Variants in PITPNC1 observed in about 807,000 individuals in gnomAD.
PITPNC1 encodes cytoplasmic phosphatidylinositol transfer protein 1.
PITPNC1 carries 18 observed loss-of-function variants against 44.7 expected under a neutral mutation model. That is an observed-to-expected ratio of 0.40 (90% CI 0.28 to 0.60). PITPNC1 has a LOEUF of 0.60. Ranked by LOEUF, PITPNC1 falls within the 20% of genes least tolerant of loss-of-function variation. The probability of loss-of-function intolerance (pLI) is 0.39; values close to 1 mark genes in which losing one functional copy is unlikely to be tolerated. For synonymous variants in PITPNC1, 141 were observed against 149.6 expected (o/e 0.94, Z 0.42); for missense variants, 290 against 418.4 (o/e 0.69, Z 2.68).
chr17:67,407,502 A>C lies in PITPNC1; in HGVS notation c.48+29300A>C, dbSNP rs551417165. Among the ~76,000 whole-genome samples, 10 of 152,262 alleles carry C rather than the reference A, an allele frequency of 6.6e-5. No individual in the cohort carries two copies. The South Asian group carries it at 1.7e-3, about 25-fold the overall frequency. On this transcript the variant is annotated intron_variant, in intron 1 of 8. Coordinates refer to ENST00000581322, the MANE Select transcript of PITPNC1 (RefSeq NM_012417.4). ...TGACCTTTAAAACACAAAAGTTTTA[A>C]ATTTAAAAATCTAAAATAAGGCCGA...
chr17:67,677,610 C>T lies in PITPNC1; in HGVS notation c.682+2068C>T, dbSNP rs369162884. ...TGAGACAGAGTCTCGCACTGTCGTA[C>T]GGACTGGAGTGCAATGGCACAATCT... On this transcript the variant is annotated intron_variant, in intron 8 of 8. Coordinates refer to ENST00000581322, the MANE Select transcript of PITPNC1 (RefSeq NM_012417.4). 1.2e-4 allele frequency among the ~76,000 whole-genome samples: 18 copies of T among 151,058 alleles called. No homozygotes were observed. In the East Asian group the frequency reaches 1.8e-3, roughly 15 times the overall value.
intron 1 of PITPNC1, among the ~76,000 whole-genome samples, chr17:67,487,862 A>G (rs2039803089): frequency 6.6e-6 from 1 of 152,224 alleles, no homozygotes. Flanking sequence ...AATTTCTCCC[A>G]GGAGATGTCT....
At chr17:67,418,218 T>C (rs1218797162) in intron 1 of PITPNC1, among the ~76,000 whole-genome samples, 1 of 152,226 alleles carries the variant, frequency 6.6e-6, no homozygotes, top group Non-Finnish European at 1.5e-5. Context: ...CTTGAGACTA[T>C]ATAAAGCTCC....
chr17:67,662,256 A>C (rs900474246), intron 6 of PITPNC1, among the ~76,000 whole-genome samples: 9 of 151,772 alleles, frequency 5.9e-5, no homozygotes, highest in Admixed American at 1.3e-4. Context: ...GAGTTCAAGA[A>C]CAGCCTGGCC....
chr17:67,476,193 T>C (rs1022328116), intron 1 of PITPNC1, among the ~76,000 whole-genome samples: 3 of 150,298 alleles, frequency 2.0e-5, no homozygotes, highest in Admixed American at 6.6e-5. Context: ...CTTTTCTTTT[T>C]TTTTTTTTTT....
intron 5 of PITPNC1, among the ~76,000 whole-genome samples, chr17:67,589,420 C>A (rs1220767046): frequency 6.6e-6 from 1 of 152,140 alleles, no homozygotes; most frequent in African/African-American, 2.4e-5. Flanking sequence ...TTCAAAAAGA[C>A]CTGCCTCCTC....
intron 1 of PITPNC1, among the ~76,000 whole-genome samples, chr17:67,509,615 G>A (rs573115945): frequency 1.5e-4 from 22 of 151,618 alleles, no homozygotes; most frequent in African/African-American, 3.6e-4. Context: ...GTGTTCAACC[G>A]GGTTTGACTT....
chr17:67,599,434 G>T (rs1042739548), intron 5 of PITPNC1, among the ~76,000 whole-genome samples: 4 of 152,144 alleles, frequency 2.6e-5, no homozygotes, highest in Non-Finnish European at 5.9e-5. Context: ...AAAATGAAAA[G>T]AAGGGCAAGG....
intron 5 of PITPNC1, among the ~76,000 whole-genome samples, chr17:67,578,828 A>C (rs1036229860): frequency 3.3e-5 from 5 of 152,308 alleles, no homozygotes; most frequent in African/African-American, 1.2e-4. Flanking sequence ...CTAAAAATAC[A>C]AAAATTAGCT....
intron 6 of PITPNC1, among the ~76,000 whole-genome samples, chr17:67,654,250 C>G (rs1016077086): frequency 3.3e-5 from 5 of 152,194 alleles, no homozygotes; most frequent in African/African-American, 1.2e-4. Context: ...CCTCCAACCA[C>G]CATACTTACG....
intron 6 of PITPNC1, among the ~76,000 whole-genome samples, chr17:67,654,781 C>T (rs924649020): frequency 1.9e-4 from 29 of 152,248 alleles, no homozygotes; most frequent in Non-Finnish European, 2.9e-4. Flanking sequence ...AACAGGAGCG[C>T]GCCACCACGC....
intron 5 of PITPNC1, among the ~76,000 whole-genome samples, chr17:67,605,432 C>A (rs1211761362): frequency 1.3e-5 from 2 of 152,346 alleles, no homozygotes; most frequent in African/African-American, 4.8e-5. Flanking sequence ...AGCCTGGGAA[C>A]AGAGCTTGCT....
At chr17:67,501,815 A>G (rs1278944324) in intron 1 of PITPNC1, among the ~76,000 whole-genome samples, 3 of 152,076 alleles carry the variant, frequency 2.0e-5, no homozygotes, top group East Asian at 3.9e-4. Context: ...CCTGGGCAAC[A>G]AGAGCAAAAC....
chr17:67,572,034 A>G (rs1342711249), intron 4 of PITPNC1, among the ~76,000 whole-genome samples: 1 of 152,202 alleles, frequency 6.6e-6, no homozygotes, highest in Non-Finnish European at 1.5e-5. Context: ...TGTGGGCCAA[A>G]TGGGACTTTA....
chr17:67,492,073 G>A (rs973723995), intron 1 of PITPNC1, among the ~76,000 whole-genome samples: 1 of 150,574 alleles, frequency 6.6e-6, no homozygotes, highest in African/African-American at 2.4e-5. Flanking sequence ...CTGAGAAGTT[G>A]TAAACTAACT....
chr17:67,513,537 A>T (rs2040220055), intron 1 of PITPNC1, among the ~76,000 whole-genome samples: 1 of 150,338 alleles, frequency 6.7e-6, no homozygotes, highest in African/African-American at 2.4e-5. Context: ...AAGTAAAAAC[A>T]GTCACAGAAG....
intron 5 of PITPNC1, among the ~76,000 whole-genome samples, chr17:67,582,971 C>T (rs1238129420): frequency 6.6e-6 from 1 of 152,220 alleles, no homozygotes; most frequent in African/African-American, 2.4e-5. Flanking sequence ...CTCTTCCAAA[C>T]AAAGCAGGCA....
At chr17:67,393,498 A>G (rs886695471) in intron 1 of PITPNC1, among the ~76,000 whole-genome samples, 3 of 152,012 alleles carry the variant, frequency 2.0e-5, no homozygotes, top group African/African-American at 7.2e-5. Context: ...GCTCATAAGA[A>G]TTTTTTTCTG....
chr17:67,692,337 G>C (rs554812270), intron 8 of PITPNC1, among the ~76,000 whole-genome samples: 2 of 152,274 alleles, frequency 1.3e-5, no homozygotes, highest in South Asian at 4.1e-4. Flanking sequence ...TCACTGTGAA[G>C]AGTGCTTTGG....
Sources: allele counts gnomAD v4.1 joint callset (sites outside exome capture counted in the v4.1 genomes callset), GRCh38; gene constraint gnomAD v4.1.1; transcripts MANE v1.5; gene names NCBI Gene and HGNC (gene_info 2026-07-23, HGNC 2026-07-21).